The following ROCK2 variants were observed in gnomAD, a reference collection of about 807,000 sequenced individuals.
ROCK2 encodes the protein rho-associated protein kinase 2.
A neutral mutation model predicts 195.1 loss-of-function variants in ROCK2; 61 were observed. That is an observed-to-expected ratio of 0.31 (90% confidence interval 0.25 to 0.39). The LOEUF is 0.39. Among genes scored for constraint, ROCK2 ranks in the 10% least tolerant of loss-of-function variants. The probability of loss-of-function intolerance (pLI) is 1.00; values close to 1 mark genes in which losing one functional copy is unlikely to be tolerated. For missense variants in ROCK2, 1,109 were observed against 1,637.4 expected (o/e 0.68, Z 5.57); for synonymous variants, 504 against 545.5 (o/e 0.92, Z 1.06).
chr2:11,235,870 A>G lies in ROCK2; in HGVS notation c.555T>C (p.Asp185=). The stretch of plus-strand genomic sequence containing the variant: ...AAAATTTGGCCCATTTTTCAGGCAC[A>G]TCATAATTACTCATAAGGTTTACAA... ...GDLVNLMSNY[D]VPEKWAKFYT... Residue 185 remains aspartate (D), a synonymous_variant, in exon 5 of 33, where the codon GAT becomes GAC. Coordinates refer to ENST00000315872, the MANE Select transcript of ROCK2 (RefSeq NM_004850.5). The surrounding 1 kb of genome is among the most constrained non-coding windows in gnomAD (Gnocchi z 4.2). 6.2e-7 allele frequency: 1 copy of G among 1,614,002 alleles called. No homozygotes were observed. Among genetic ancestry groups the G allele is most frequent in the South Asian group, 1.1e-5 (1 of 91,074 alleles).
intron 27 of ROCK2, among the ~76,000 whole-genome samples, chr2:11,196,951 A>T (rs1663659885): frequency 6.6e-6 from 1 of 152,224 alleles, no homozygotes; most frequent in African/African-American, 2.4e-5. Context: ...ATAATAATTT[A>T]AAAACTAGAC....
intron 1 of ROCK2, chr2:11,308,421 A>T (rs1256762222): frequency 1.2e-6 from 2 of 1,605,156 alleles, no homozygotes; most frequent in Non-Finnish European, 1.7e-6. Context: ...TCTGAAGAAG[A>T]TGAAGAAGAG....
chr2:11,293,213 G>T (rs570146107), intron 1 of ROCK2, among the ~76,000 whole-genome samples: 57 of 152,268 alleles, frequency 3.7e-4, no homozygotes, highest in African/African-American at 1.3e-3. Flanking sequence ...GCCATTTAGT[G>T]GCAACTTAAA....
At position 11,201,493 on chromosome 2, in the gene ROCK2, G is replaced by A; in HGVS notation, c.2620-80C>T. 2.5e-6 allele frequency: 2 copies of A among 802,414 alleles called. No homozygotes were observed. The highest frequency in any genetic ancestry group is 4.2e-6 in the Non-Finnish European group (2 of 475,510). 49.7% of individuals were successfully genotyped at this position (802,414 alleles called of 1,614,324 possible). ...CATTCAAAAGCTATTCAGACAAAAA[G>A]GAGAATGAACACATACAAATATTTT... On this transcript the variant is annotated intron_variant, in intron 21 of 32. Transcript: ENST00000315872. This position sits in a 1 kb window ranked among gnomAD's most constrained non-coding sequence, Gnocchi z 4.6.
At chr2:11,338,764 G>A (rs1208420319) in intron 1 of ROCK2, among the ~76,000 whole-genome samples, 3 of 152,080 alleles carry the variant, frequency 2.0e-5, no homozygotes, top group Non-Finnish European at 4.4e-5. Flanking sequence ...ATTCAACAAT[G>A]AGAAAAAGGA....
intron 1 of ROCK2, among the ~76,000 whole-genome samples, chr2:11,334,356 A>T (rs925596566): frequency 3.9e-5 from 6 of 151,902 alleles, no homozygotes; most frequent in African/African-American, 1.5e-4. Flanking sequence ...ACTAAAACAC[A>T]AAAAATTAGC....
At chr2:11,320,780 C>A (rs1282246967) in intron 1 of ROCK2, among the ~76,000 whole-genome samples, 1 of 152,166 alleles carries the variant, frequency 6.6e-6, no homozygotes, top group Non-Finnish European at 1.5e-5. Flanking sequence ...ATGGCCACTT[C>A]CAGGTGACCA....
rs1572437219 is a variant in ROCK2, at chr2:11,344,592, C to T, written c.-456G>A. ...GTCGCCGCCGGCCGCCTTGCAGTCC[C>T]TCAGCCAGCTCCCGGCGCACACACT... On this transcript the variant is annotated 5_prime_UTR_variant, in exon 1 of 33. Coordinates refer to ENST00000315872, the MANE Select transcript of ROCK2 (RefSeq NM_004850.5). This position sits in a 1 kb window ranked among gnomAD's most constrained non-coding sequence, Gnocchi z 5.4. 4 of 566,880 alleles carry T rather than the reference C, an allele frequency of 7.1e-6. No homozygotes were observed. The highest frequency in any genetic ancestry group is 2.0e-5 in the African/African-American group (1 of 48,892). 35.1% of individuals were successfully genotyped at this position (566,880 alleles called of 1,614,324 possible). A position where few individuals can be genotyped will look rare whatever the true frequency, so the allele number is the denominator to read the frequency against.
chr2:11,218,621 T>C (rs997136244), intron 10 of ROCK2, among the ~76,000 whole-genome samples, 155 bp from the exon 11 acceptor site: 1 of 152,250 alleles, frequency 6.6e-6, no homozygotes, highest in African/African-American at 2.4e-5. Context: ...CATTTATGTG[T>C]ATGTGTATAT....
At chr2:11,185,372 T>C (rs1302710616) in intron 32 of ROCK2, among the ~76,000 whole-genome samples, 3 of 152,060 alleles carry the variant, frequency 2.0e-5, no homozygotes, top group Admixed American at 6.5e-5. Context: ...TTGGGATATA[T>C]GTGGTCTTTT....
At chr2:11,317,904 T>C (rs1668275706) in intron 1 of ROCK2, among the ~76,000 whole-genome samples, 1 of 151,814 alleles carries the variant, frequency 6.6e-6, no homozygotes, top group South Asian at 2.1e-4. Flanking sequence ...CTCAGAATGA[T>C]GGTTCCCAGC....
In ROCK2 at chr2:11,194,976, C is replaced by T; in HGVS notation, c.3498G>A (p.Lys1166=). 2 of 1,580,668 alleles carry T rather than the reference C, an allele frequency of 1.3e-6. No individual in the cohort carries two copies. The highest frequency in any genetic ancestry group is 1.7e-6 in the Non-Finnish European group (2 of 1,161,888). Residue 1166 remains lysine, a synonymous_variant, in exon 28 of 33, where the codon AAG becomes AAA. Coordinates refer to ENST00000315872, the MANE Select transcript of ROCK2 (RefSeq NM_004850.5). ...TTACCTTTTTAACCCATCCAAATTT[C>T]TTAGTGTTGTTTCGTACAGGCAATG... ...WLSLPVRNNT[K]KFGWVKKYVI...
chr2:11,338,029 A>T (rs774877571), intron 1 of ROCK2, among the ~76,000 whole-genome samples: 1 of 152,124 alleles, frequency 6.6e-6, no homozygotes, highest in Non-Finnish European at 1.5e-5. Flanking sequence ...AAGAAATGAA[A>T]ACTTTCATAA....
At chr2:11,289,943 C>G (rs1461112997) in intron 1 of ROCK2, among the ~76,000 whole-genome samples, 1 of 152,164 alleles carries the variant, frequency 6.6e-6, no homozygotes, top group Non-Finnish European at 1.5e-5. Flanking sequence ...CAAACACTAT[C>G]ACAATTAGGC....
intron 20 of ROCK2, among the ~76,000 whole-genome samples, chr2:11,205,842 C>T (rs1034426953): frequency 1.1e-4 from 17 of 152,086 alleles, no homozygotes; most frequent in African/African-American, 4.1e-4. Context: ...GGCACAGTGG[C>T]TCACACCTGT....
At chr2:11,245,362 G>A (rs993737936) in intron 4 of ROCK2, among the ~76,000 whole-genome samples, 1 of 151,680 alleles carries the variant, frequency 6.6e-6, no homozygotes, top group Non-Finnish European at 1.5e-5. Context: ...AATCAAGGAA[G>A]TACAACTTAA....
chr2:11,256,580 T>G (rs1558333057), intron 3 of ROCK2, among the ~76,000 whole-genome samples: 1 of 150,044 alleles, frequency 6.7e-6, no homozygotes, highest in Non-Finnish European at 1.5e-5. Flanking sequence ...ATACATATTA[T>G]ATATAAATAT....
chr2:11,300,993 T>C (rs1291352157), intron 1 of ROCK2, among the ~76,000 whole-genome samples: 5 of 152,212 alleles, frequency 3.3e-5, no homozygotes, highest in Non-Finnish European at 5.9e-5. Context: ...AAAAAACTTA[T>C]GATAGTTCTC....
chr2:11,225,943 C>CA (rs1180080205), intron 6 of ROCK2, among the ~76,000 whole-genome samples: 2 of 152,088 alleles, frequency 1.3e-5, no homozygotes, highest in African/African-American at 2.4e-5. Context: ...ATTTATGCCA[C>CA]AAAAAAGTTC....
Sources: gnomAD v4.1 joint callset for allele counts (sites outside exome capture counted in the v4.1 genomes callset) on GRCh38, gnomAD v4.1.1 for gene constraint, Gnocchi (gnomAD v3.1) non-coding constraint, MANE v1.5 for transcripts, NCBI Gene and HGNC (gene_info 2026-07-23, HGNC 2026-07-21) for gene names.